Variants in ASIC2 observed in about 807,000 individuals in gnomAD.
ASIC2 encodes the protein acid-sensing ion channel 2.
In ASIC2, 25 loss-of-function variants were observed where a neutral mutation model predicts 57.3. The ratio of observed to expected loss-of-function variants is 0.44; its 90% CI spans 0.32 to 0.61. The LOEUF is 0.61. Among genes scored for constraint, ASIC2 ranks in the 20% least tolerant of loss-of-function variants. ASIC2 has a pLI of 0.06. For missense variants in ASIC2, 641 were observed against 738.1 expected, an observed-to-expected ratio of 0.87 and a Z score of 1.52; for synonymous variants, 319 against 307.5, an observed-to-expected ratio of 1.04 and a Z score of -0.39.
intron 1 of ASIC2, among the ~76,000 whole-genome samples, chr17:34,032,605 A>C (rs1292151379): frequency 1.3e-5 from 2 of 152,218 alleles, no homozygotes; most frequent in African/African-American, 4.8e-5. Context: ...AGTGTGCTGT[A>C]TTCAGGAAAC....
rs1906739601 is a variant in ASIC2 at position 33,198,748 on chromosome 17, A to G, written c.709-86681T>C. On this transcript the variant is annotated intron_variant, in intron 1 of 9. Transcript: ENST00000225823. ...ATGAGACATGTGCAGTGAGCTGTTT[A>G]GAGCCAAAGGAAATAGGCAAATAAA... is the stretch of plus-strand genomic sequence containing the variant. Among the ~76,000 whole-genome samples the G allele has an allele frequency of 2.0e-5, 3 of 152,266 alleles. 1 individual carries two copies. The South Asian group carries it at 6.2e-4, about 32-fold the overall frequency.
At chr17:33,355,488 AG>A (rs1908341441) in intron 1 of ASIC2, among the ~76,000 whole-genome samples, 1 of 151,430 alleles carries the variant, frequency 6.6e-6, no homozygotes, top group South Asian at 2.1e-4. Context: ...TTTCTGGAGC[AG>A]GATTTGGCAT....
chr17:34,136,791 T>C (rs557496905), intron 1 of ASIC2, among the ~76,000 whole-genome samples: 1 of 152,292 alleles, frequency 6.6e-6, no homozygotes, highest in African/African-American at 2.4e-5. Context: ...CCTCTTCAAA[T>C]ATTTTGGAGA....
rs149601157 is a variant in ASIC2 at position 33,767,241 on chromosome 17, C to G, written c.555+388737G>C. On this transcript the variant is annotated intron_variant, in intron 1 of 9. Transcript: ENST00000359872. ...AGTGAACCTCAGTTTCTGCTGGTCT[C>G]TCTTTGTGACTTTTCCAGGGCGTTC... is the stretch of plus-strand genomic sequence containing the variant. Among the ~76,000 whole-genome samples the G allele has an allele frequency of 9.1e-3, 1,393 of 152,292 alleles. 9 individuals carry two copies. Among genetic ancestry groups the G allele is most frequent in the Non-Finnish European group, 0.016 (1,086 of 68,020 alleles).
intron 1 of ASIC2, among the ~76,000 whole-genome samples, chr17:33,278,644 G>C (rs974749714): frequency 1.3e-5 from 2 of 152,142 alleles, no homozygotes; most frequent in South Asian, 4.1e-4. Context: ...TGTGAGGGGA[G>C]GGTCAGCTCC....
chr17:34,040,471 G>T (rs540020061), intron 1 of ASIC2, among the ~76,000 whole-genome samples: 3 of 149,792 alleles, frequency 2.0e-5, no homozygotes, highest in Non-Finnish European at 4.5e-5. Context: ...AGGTGGGGGG[G>T]GTCCCCGCTG....
chr17:33,194,961 TG>T (rs988877430), intron 1 of ASIC2, among the ~76,000 whole-genome samples: 1 of 152,186 alleles, frequency 6.6e-6, no homozygotes, highest in African/African-American at 2.4e-5. Flanking sequence ...TCTTAGGGAA[TG>T]GTGACAGCAC....
At chr17:33,285,151 T>C (rs1275942081) in intron 1 of ASIC2, among the ~76,000 whole-genome samples, 1 of 152,228 alleles carries the variant, frequency 6.6e-6, no homozygotes, top group African/African-American at 2.4e-5. Context: ...CCCTTCTCCA[T>C]TGGGCAGACA....
chr17:33,177,115 A>G lies in ASIC2; in HGVS notation c.709-65048T>C, dbSNP rs554599083. Among the ~76,000 whole-genome samples, 105 of 152,196 alleles carry G rather than the reference A, an allele frequency of 6.9e-4. No homozygotes were observed. In the South Asian group the frequency reaches 0.011, roughly 16 times the overall value. Reference sequence around the variant, plus strand: ...ATTCCTCTAGAGTAATAATGGGGCTAATTCAGGGGTGGGGAAGCTCTTCAA... The same window carrying G: ...ATTCCTCTAGAGTAATAATGGGGCTGATTCAGGGGTGGGGAAGCTCTTCAA... On this transcript the variant is annotated intron_variant, in intron 1 of 9. Transcript: ENST00000225823.
intron 1 of ASIC2, among the ~76,000 whole-genome samples, chr17:33,755,271 C>T (rs147174395): frequency 1.2e-4 from 18 of 152,338 alleles, no homozygotes; most frequent in Non-Finnish European, 2.2e-4. Context: ...CTCTTCAAAA[C>T]TTCTGTGTGG....
chr17:34,030,622 T>C (rs1255908210), intron 1 of ASIC2, among the ~76,000 whole-genome samples: 1 of 152,154 alleles, frequency 6.6e-6, no homozygotes, highest in African/African-American at 2.4e-5. Context: ...AAAGGGGTGA[T>C]AGACAGCACC....
At chr17:34,101,615 T>C (rs1242105470) in intron 1 of ASIC2, among the ~76,000 whole-genome samples, 2 of 152,206 alleles carry the variant, frequency 1.3e-5, no homozygotes, top group African/African-American at 4.8e-5. Flanking sequence ...TTTTGCACCA[T>C]CCAGTAGGAA....
intron 1 of ASIC2, among the ~76,000 whole-genome samples, chr17:33,486,285 T>C (rs978462320): frequency 6.6e-6 from 1 of 152,232 alleles, no homozygotes; most frequent in African/African-American, 2.4e-5. Context: ...CCCTATTTTA[T>C]GTATAGATGC....
At chr17:34,092,906 C>T (rs1333872709) in intron 1 of ASIC2, among the ~76,000 whole-genome samples, 1 of 152,086 alleles carries the variant, frequency 6.6e-6, no homozygotes, top group Non-Finnish European at 1.5e-5. Context: ...GACAACATAT[C>T]GAATTGTTTT....
chr17:33,339,785 C>T (rs1907656311), intron 1 of ASIC2, among the ~76,000 whole-genome samples: 1 of 152,160 alleles, frequency 6.6e-6, no homozygotes, highest in Admixed American at 6.5e-5. Context: ...AGGAGCTGTA[C>T]CACTTTGACA....
At chr17:34,021,550 A>G (rs1907158734) in intron 1 of ASIC2, among the ~76,000 whole-genome samples, 1 of 152,166 alleles carries the variant, frequency 6.6e-6, no homozygotes, top group Admixed American at 6.5e-5. Flanking sequence ...TTTGGAATCT[A>G]CAGACCCAGT....
intron 1 of ASIC2, among the ~76,000 whole-genome samples, chr17:33,238,285 C>T (rs1199743771): frequency 6.6e-6 from 1 of 152,202 alleles, no homozygotes; most frequent in Non-Finnish European, 1.5e-5. Context: ...GAGGCTGCTC[C>T]TTGGATTCAC....
intron 1 of ASIC2, among the ~76,000 whole-genome samples, chr17:33,629,696 A>G (rs1009166818): frequency 1.3e-5 from 2 of 152,100 alleles, no homozygotes; most frequent in African/African-American, 4.8e-5. Context: ...CTTTGAACTG[A>G]AAAAAACTGG....
chr17:33,229,452 A>C (rs1476840440), intron 1 of ASIC2, among the ~76,000 whole-genome samples: 1 of 152,236 alleles, frequency 6.6e-6, no homozygotes, highest in Non-Finnish European at 1.5e-5. Context: ...CACTGGCTAC[A>C]CGCAGGGCAG....
Sources: allele counts gnomAD v4.1 joint callset (sites outside exome capture counted in the v4.1 genomes callset), GRCh38; gene constraint gnomAD v4.1.1; transcripts MANE v1.5; gene names NCBI Gene and HGNC (gene_info 2026-07-23, HGNC 2026-07-21).